CDH12: variants seen among roughly 807,000 people sequenced by gnomAD.
The protein encoded by CDH12 is cadherin-12.
CDH12 carries 41 observed loss-of-function variants against 74.1 expected under a neutral mutation model. The observed-to-expected ratio is 0.55, with a 90% confidence interval of 0.43 to 0.72. CDH12 has a LOEUF of 0.72. CDH12 is among the 30% of genes least tolerant of loss of function. CDH12 has a pLI of 0.00. For missense variants in CDH12, 945 were observed against 977.2 expected, an observed-to-expected ratio of 0.97 and a Z score of 0.44; for synonymous variants, 399 against 355.0, an observed-to-expected ratio of 1.12 and a Z score of -1.39.
intron 6 of CDH12, among the ~76,000 whole-genome samples, chr5:21,932,427 A>G (rs1207264196): frequency 2.0e-5 from 3 of 152,248 alleles, no homozygotes; most frequent in African/African-American, 7.2e-5. Context: ...AAGTCATTCA[A>G]TAAAAAATTA....
intron 4 of CDH12, among the ~76,000 whole-genome samples, chr5:22,124,020 T>C (rs1251163486): frequency 6.6e-6 from 1 of 151,962 alleles, no homozygotes; most frequent in East Asian, 1.9e-4. Flanking sequence ...CAGGCTGGAG[T>C]GCAGCGGTGC....
intron 5 of CDH12, among the ~76,000 whole-genome samples, chr5:22,017,760 A>G (rs1580119205): frequency 6.7e-6 from 1 of 149,188 alleles, no homozygotes; most frequent in South Asian, 2.1e-4. Context: ...GTTTCCCTCC[A>G]TTCTTTTTTT....
At chr5:21,789,360 C>T (rs1019204694) in intron 10 of CDH12, among the ~76,000 whole-genome samples, 2 of 152,056 alleles carry the variant, frequency 1.3e-5, no homozygotes, top group Admixed American at 1.3e-4. Flanking sequence ...TCAAGCCGAG[C>T]TGGGACATAG....
At position 22,765,219 on chromosome 5, in the gene CDH12, C is replaced by G. The variant is rs371379158; in HGVS notation, c.-523+87839G>C. Among the ~76,000 whole-genome samples, 10 of 151,826 alleles carry G rather than the reference C, an allele frequency of 6.6e-5. No individual in the cohort carries two copies. In the East Asian group the frequency reaches 1.5e-3, roughly 23 times the overall value. Reference sequence around the variant, plus strand: ...CATGTTCATCATTATTAAAGGAAGCCCACACAAAAACTGCACACCCCTAGA... The same window carrying G: ...CATGTTCATCATTATTAAAGGAAGCGCACACAAAAACTGCACACCCCTAGA... On this transcript the variant is annotated intron_variant, in intron 1 of 14. Transcript: ENST00000382254.
intron 5 of CDH12, among the ~76,000 whole-genome samples, chr5:21,993,488 C>A (rs993510613): frequency 5.9e-5 from 9 of 152,216 alleles, no homozygotes; most frequent in African/African-American, 2.2e-4. Context: ...AAAACACATA[C>A]TCCAGCCAGC....
chr5:22,009,954 A>AG (rs1737202985), intron 5 of CDH12, among the ~76,000 whole-genome samples: 1 of 151,050 alleles, frequency 6.6e-6, no homozygotes, highest in Non-Finnish European at 1.5e-5. Context: ...AAAAAAAAAA[A>AG]AAAAAGAAAA....
At chr5:22,070,201 C>T (rs1741852680) in intron 5 of CDH12, among the ~76,000 whole-genome samples, 1 of 152,094 alleles carries the variant, frequency 6.6e-6, no homozygotes, top group South Asian at 2.1e-4. Context: ...AGTTGCGGGA[C>T]ATCAAGATGA....
intron 4 of CDH12, among the ~76,000 whole-genome samples, chr5:22,154,779 A>T (rs1747916049): frequency 6.6e-6 from 1 of 151,962 alleles, no homozygotes; most frequent in South Asian, 2.1e-4. Context: ...CATTGTCACA[A>T]ATTTAGCCAC....
At chr5:22,425,632 ATTAG>A (rs1743896847) in intron 2 of CDH12, among the ~76,000 whole-genome samples, 2 of 152,066 alleles carry the variant, frequency 1.3e-5, no homozygotes, top group Admixed American at 6.5e-5. Context: ...TCTAAAATGT[ATTAG>A]TTAAGATTGT....
At chr5:22,100,922 G>A (rs1288687283) in intron 4 of CDH12, among the ~76,000 whole-genome samples, 12 of 151,792 alleles carry the variant, frequency 7.9e-5, no homozygotes, top group Non-Finnish European at 1.2e-4. Flanking sequence ...TATGTCCATT[G>A]TTTACCAAGG....
At chr5:22,280,797 AG>A (rs1736844366) in intron 3 of CDH12, among the ~76,000 whole-genome samples, 1 of 152,246 alleles carries the variant, frequency 6.6e-6, no homozygotes, top group Non-Finnish European at 1.5e-5. Context: ...GAGAGGTACA[AG>A]GAGGAGCTGG....
chr5:22,425,174 T>TAA (rs1743868593), intron 2 of CDH12, among the ~76,000 whole-genome samples: 1 of 140,116 alleles, frequency 7.1e-6, no homozygotes, highest in African/African-American at 2.8e-5. Context: ...TATATATAAA[T>TAA]ATATATATAT....
intron 1 of CDH12, among the ~76,000 whole-genome samples, chr5:22,823,076 C>G (rs930462898): frequency 1.3e-5 from 2 of 152,018 alleles, no homozygotes; most frequent in Admixed American, 6.6e-5. Context: ...AGTTCATGTC[C>G]TTTGTAGGGA....
At chr5:21,761,826 G>A (rs1457307972) in intron 12 of CDH12, among the ~76,000 whole-genome samples, 1 of 152,036 alleles carries the variant, frequency 6.6e-6, no homozygotes, top group Non-Finnish European at 1.5e-5. Flanking sequence ...TGCAGCATTA[G>A]TAATTTCTAA....
chr5:22,273,907 T>C (rs1736513287), intron 3 of CDH12, among the ~76,000 whole-genome samples: 1 of 152,140 alleles, frequency 6.6e-6, no homozygotes, highest in Admixed American at 6.6e-5. Flanking sequence ...TAAGTTGACA[T>C]ATTACAGCAT....
intron 3 of CDH12, among the ~76,000 whole-genome samples, chr5:22,245,587 T>G (rs1250491538): frequency 1.3e-5 from 2 of 151,952 alleles, no homozygotes; most frequent in African/African-American, 4.8e-5. Context: ...ATTAATACCT[T>G]GAATGTAAGA....
At chr5:22,716,784 G>A (rs1743601744) in intron 1 of CDH12, among the ~76,000 whole-genome samples, 1 of 151,694 alleles carries the variant, frequency 6.6e-6, no homozygotes, top group Non-Finnish European at 1.5e-5. Context: ...TGTAGGCCTA[G>A]GCTAACATGT....
At chr5:22,560,317 A>C (rs1489146920) in intron 1 of CDH12, among the ~76,000 whole-genome samples, 1 of 152,162 alleles carries the variant, frequency 6.6e-6, no homozygotes, top group East Asian at 1.9e-4. Flanking sequence ...CATGTGAATC[A>C]TTCCTGTATC....
At chr5:22,769,026 C>T (rs961704067) in intron 1 of CDH12, among the ~76,000 whole-genome samples, 1 of 152,102 alleles carries the variant, frequency 6.6e-6, no homozygotes, top group African/African-American at 2.4e-5. Flanking sequence ...CTGCAGAAAA[C>T]AAGCAAGCAA....
Sources: allele counts gnomAD v4.1 joint callset (sites outside exome capture counted in the v4.1 genomes callset), GRCh38; gene constraint gnomAD v4.1.1; transcripts MANE v1.5; gene names NCBI Gene and HGNC (gene_info 2026-07-23, HGNC 2026-07-21).